The following NAV3 variants were observed in gnomAD, a reference collection of about 807,000 sequenced individuals.
The protein encoded by NAV3 is neuron navigator 3.
A neutral mutation model predicts 244.7 loss-of-function variants in NAV3; 87 were observed. That is an observed-to-expected ratio of 0.36 (90% confidence interval 0.30 to 0.42). NAV3 has a LOEUF of 0.42. NAV3 is among the 20% of genes least tolerant of loss of function. NAV3 has a pLI of 1.00. For missense variants in NAV3, 2,663 were observed against 2,893.3 expected (o/e 0.92, Z 1.83); for synonymous variants, 1,126 against 1,042.2 (o/e 1.08, Z -1.55).
chr12:77,777,178 A>T (rs1870404158), intron 2 of NAV3, among the ~76,000 whole-genome samples: 1 of 152,204 alleles, frequency 6.6e-6, no homozygotes, highest in African/African-American at 2.4e-5. Flanking sequence ...TTTCCTACAC[A>T]TACATACCTT....
At chr12:77,994,309 T>C (rs1593223351) in intron 5 of NAV3, among the ~76,000 whole-genome samples, 1 of 152,226 alleles carries the variant, frequency 6.6e-6, no homozygotes, top group East Asian at 1.9e-4. Context: ...AACCAGATTA[T>C]TTAATCATTT....
At chr12:78,040,288 A>G (rs1264192227) in intron 9 of NAV3, among the ~76,000 whole-genome samples, 1 of 152,276 alleles carries the variant, frequency 6.6e-6, no homozygotes, top group Admixed American at 6.5e-5. Context: ...AAGCGTTGGA[A>G]AGAAAAGGTC....
At chr12:78,104,949 C>T (rs1383460252) in intron 12 of NAV3, among the ~76,000 whole-genome samples, 1 of 152,046 alleles carries the variant, frequency 6.6e-6, no homozygotes, top group Non-Finnish European at 1.5e-5. Flanking sequence ...AAAATGTATG[C>T]TGGGATAAAT....
chr12:78,206,081 A>C (rs1348946076), intron 39 of NAV3, among the ~76,000 whole-genome samples: 1 of 152,138 alleles, frequency 6.6e-6, no homozygotes, highest in East Asian at 1.9e-4. Flanking sequence ...AAAACCTGAT[A>C]AACTTTCAAG....
intron 2 of NAV3, among the ~76,000 whole-genome samples, chr12:77,818,284 A>G (rs1370958672): frequency 2.6e-5 from 4 of 152,144 alleles, no homozygotes; most frequent in Middle Eastern, 3.2e-3. Context: ...CAAATATACC[A>G]TTATTATAGA....
chr12:78,141,560 C>T (rs1389507237), intron 20 of NAV3, among the ~76,000 whole-genome samples: 2 of 152,128 alleles, frequency 1.3e-5, no homozygotes, highest in Admixed American at 6.5e-5. Context: ...TTTGAACCTT[C>T]TCTTTATAGA....
intron 6 of NAV3, among the ~76,000 whole-genome samples, chr12:77,997,712 A>AT (rs1468626107): frequency 3.9e-5 from 6 of 152,206 alleles, no homozygotes; most frequent in African/African-American, 1.2e-4. Flanking sequence ...CTGGATGCTT[A>AT]TTTTTGGCAA....
chr12:78,050,782 T>G lies in NAV3; in HGVS notation c.2151T>G (p.Phe717Leu), dbSNP rs915097392. Reference protein sequence around the residue: ...QISHSTLETTFDSTVTTEVNG... With the variant: ...QISHSTLETTLDSTVTTEVNG... ...TTGACAGCACCCTGGAGACAACATT[T>G]GACAGCACTGTGACAACAGAAGTTA... Residue 717 changes from phenylalanine to leucine, a missense_variant, in exon 11 of 40, where the codon TTT (phenylalanine) becomes TTG (leucine). This residue lies in a region of NAV3 where 1,521 missense variants were observed against 1,497.0 expected (regional missense o/e 1.02). Coordinates refer to ENST00000397909, the MANE Select transcript of NAV3 (RefSeq NM_001024383.2). 1 of 1,602,136 alleles carries G rather than the reference T, an allele frequency of 6.2e-7. No homozygotes were observed. Among genetic ancestry groups the G allele is most frequent in the Non-Finnish European group, 8.5e-7 (1 of 1,171,216 alleles).
At chr12:78,129,559 G>T (rs575639267) in intron 18 of NAV3, among the ~76,000 whole-genome samples, 1 of 152,144 alleles carries the variant, frequency 6.6e-6, no homozygotes, top group East Asian at 1.9e-4. Context: ...TTCATTAAAA[G>T]CACTCTGAGT....
intron 25 of NAV3, among the ~76,000 whole-genome samples, chr12:78,176,215 A>G (rs947666589): frequency 1.3e-5 from 2 of 151,616 alleles, no homozygotes; most frequent in African/African-American, 4.9e-5. Flanking sequence ...AATGGAGTCA[A>G]TGATTTCTTT....
intron 2 of NAV3, among the ~76,000 whole-genome samples, chr12:77,711,026 C>T (rs915343688): frequency 5.3e-5 from 8 of 152,180 alleles, no homozygotes; most frequent in African/African-American, 1.9e-4. Context: ...AATTAAAACA[C>T]TCTTTAAGTA....
At chr12:77,679,210 C>T (rs1256628482) in intron 2 of NAV3, among the ~76,000 whole-genome samples, 3 of 151,912 alleles carry the variant, frequency 2.0e-5, no homozygotes, top group African/African-American at 7.3e-5. Context: ...GAATATGATA[C>T]CTTTGAATAT....
intron 3 of NAV3, among the ~76,000 whole-genome samples, chr12:77,963,519 A>C (rs1218100054): frequency 1.3e-5 from 2 of 152,196 alleles, no homozygotes; most frequent in Non-Finnish European, 2.9e-5. Flanking sequence ...AGTCATGTTT[A>C]TTATGCTGAT....
intron 20 of NAV3, among the ~76,000 whole-genome samples, chr12:78,143,826 TA>T (rs1399011737): frequency 6.6e-6 from 1 of 152,150 alleles, no homozygotes; most frequent in East Asian, 1.9e-4. Context: ...CAGTCACCTG[TA>T]ATTGACACCT....
chr12:78,079,796 T>G (rs558648439), intron 12 of NAV3, among the ~76,000 whole-genome samples: 1 of 152,170 alleles, frequency 6.6e-6, no homozygotes, highest in Admixed American at 6.5e-5. Flanking sequence ...ACCCTCTAAG[T>G]GGAGTTTCTA....
chr12:77,809,661 A>G (rs1872185039), intron 2 of NAV3, among the ~76,000 whole-genome samples: 1 of 152,210 alleles, frequency 6.6e-6, no homozygotes, highest in African/African-American at 2.4e-5. Flanking sequence ...CATTTTACCC[A>G]GTGAACCTGA....
chr12:77,830,550 G>A (rs1187767188), upstream of NAV3, among the ~76,000 whole-genome samples: 12 of 152,200 alleles, frequency 7.9e-5, no homozygotes. Context: ...TGGGAACAAT[G>A]ATTACTACAT....
chr12:77,831,195 C>CAGAG lies in NAV3; in HGVS notation c.-247_-244dup, dbSNP rs71088342. On this transcript the variant is annotated 5_prime_UTR_variant, in exon 1 of 40. Transcript: ENST00000397909. ...AGAGAGAGAGAGAGAGAGAGAGAGACAGAGAGAGAGAGAGAGAGAGAGAAA... is the reference window on the plus strand; with the variant it reads ...AGAGAGAGAGAGAGAGAGAGAGAGACAGAGAGAGAGAGAGAGAGAGAGAGAGAAA... 4,845 of 144,960 alleles carry CAGAG rather than the reference C, an allele frequency of 0.033. 223 individuals are homozygous for CAGAG. The highest frequency in any genetic ancestry group is 0.12 in the African/African-American group (3,935 of 32,580). 9.0% of individuals were successfully genotyped at this position (144,960 alleles called of 1,614,324 possible). A position where few individuals can be genotyped will look rare whatever the true frequency, so the allele number is the denominator to read the frequency against.
At chr12:77,941,499 T>C (rs1889866606) in intron 3 of NAV3, among the ~76,000 whole-genome samples, 1 of 152,202 alleles carries the variant, frequency 6.6e-6, no homozygotes. Context: ...TTAAAATATA[T>C]AAATAGTATT....
Sources: gnomAD v4.1 joint callset for allele counts (sites outside exome capture counted in the v4.1 genomes callset) on GRCh38, gnomAD v4.1.1 for gene constraint, gnomAD v4.1.1 regional missense constraint, MANE v1.5 for transcripts, NCBI Gene and HGNC (gene_info 2026-07-23, HGNC 2026-07-21) for gene names.